Variants in AMBRA1 observed in about 807,000 individuals in gnomAD.
The protein encoded by AMBRA1 is autophagy and beclin 1 regulator 1.
In AMBRA1, 47 loss-of-function variants were observed where a neutral mutation model predicts 125.4. The ratio of observed to expected loss-of-function variants is 0.37; its 90% CI spans 0.30 to 0.48. AMBRA1 has a LOEUF of 0.48. Among genes scored for constraint, AMBRA1 ranks in the 20% least tolerant of loss-of-function variants. The probability of loss-of-function intolerance (pLI) is 0.99; values close to 1 mark genes in which losing one functional copy is unlikely to be tolerated. For synonymous variants in AMBRA1, 626 were observed against 655.5 expected, an observed-to-expected ratio of 0.95 and a Z score of 0.69; for missense variants, 1,331 against 1,693.4, an observed-to-expected ratio of 0.79 and a Z score of 3.76.
At chr11:46,444,452 T>TTCC (rs1463754913) in intron 11 of AMBRA1, among the ~76,000 whole-genome samples, 1 of 152,200 alleles carries the variant, frequency 6.6e-6, no homozygotes, top group Non-Finnish European at 1.5e-5. Flanking sequence ...AACATGTCAT[T>TTCC]TCCTCCTCCT....
intron 7 of AMBRA1, among the ~76,000 whole-genome samples, chr11:46,531,993 C>A (rs1952237360): frequency 6.6e-6 from 1 of 152,014 alleles, no homozygotes; most frequent in African/African-American, 2.4e-5. Context: ...GTGGTGGGCG[C>A]CTGTAATCCC....
chr11:46,495,756 C>T (rs571650741), intron 9 of AMBRA1, among the ~76,000 whole-genome samples: 1 of 152,274 alleles, frequency 6.6e-6, no homozygotes, highest in Middle Eastern at 3.4e-3. Flanking sequence ...TATTATTTTT[C>T]AAATATACTA....
intron 7 of AMBRA1, chr11:46,518,429 C>CAAAAAAAAAAAAA (rs761919668): frequency 1.7e-5 from 1 of 58,360 alleles, no homozygotes. Flanking sequence ...GACTCCGTCT[C>CAAAAAAAAAAAAA]AAAAAAAAAA....
At chr11:46,490,384 C>T (rs1017517531) in intron 11 of AMBRA1, among the ~76,000 whole-genome samples, 3 of 152,156 alleles carry the variant, frequency 2.0e-5, no homozygotes, top group African/African-American at 7.2e-5. Context: ...AATAGACTAT[C>T]AAAACACTTT....
intron 15 of AMBRA1, among the ~76,000 whole-genome samples, chr11:46,414,584 G>A (rs1025762831): frequency 5.3e-5 from 8 of 152,202 alleles, no homozygotes; most frequent in African/African-American, 1.7e-4. Context: ...TTATGAGGCC[G>A]GAAGTAAGCA....
At chr11:46,414,258 G>A (rs931894270) in intron 15 of AMBRA1, among the ~76,000 whole-genome samples, 11 of 152,314 alleles carry the variant, frequency 7.2e-5, no homozygotes, top group Middle Eastern at 3.4e-3. Context: ...TCTGCAGCGC[G>A]GGAAAGAGCC....
rs746745526 is a variant in AMBRA1, at chr11:46,548,268, C to T, written c.113G>A (p.Arg38Gln). Residue 38 changes from arginine to glutamine, a missense_variant, in exon 2 of 18, where the codon CGG becomes CAG. By Grantham distance (43) the Arg-to-Gln change is conservative. Transcript: ENST00000683756. Reference sequence around the variant, plus strand: ...TACCTTGCCCTCCCATTTCATCCACCGGGTTTTATCTTCTACCAGCTCCTG... The same window carrying T: ...TACCTTGCCCTCCCATTTCATCCACTGGGTTTTATCTTCTACCAGCTCCTG... ...LLQELVEDKT[R>Q]WMKWEGKRVE... is the part of the protein sequence containing the mutation. 7.4e-6 allele frequency: 12 copies of T among 1,614,026 alleles called. No individual in the cohort carries two copies. Among genetic ancestry groups the T allele is most frequent in the East Asian group, 4.5e-5 (2 of 44,898 alleles).
chr11:46,520,025 G>T (rs1327638165), intron 7 of AMBRA1, among the ~76,000 whole-genome samples: 1 of 151,800 alleles, frequency 6.6e-6, no homozygotes, highest in Non-Finnish European at 1.5e-5. Context: ...TGTAATCCCA[G>T]CTACTCAGGT....
rs765088387 is a variant in AMBRA1, at chr11:46,484,944, C to CT, written c.2521+8663dup. On this transcript the variant is annotated intron_variant, in intron 11 of 17. Transcript: ENST00000683756. ...ACAGGTGTGAGCCACTGTGCCCAGG[C>CT]TTTTTTTTTTAAGACAAAATCTCAC... 3.8e-3 allele frequency among the ~76,000 whole-genome samples: 539 copies of CT among 140,280 alleles called. 1 individual carries two copies. Among genetic ancestry groups the CT allele is most frequent in the East Asian group, 0.02 (94 of 4,634 alleles). The allele number at this position is 140,280 out of a possible 152,430, so 92.0% of individuals were successfully genotyped here. A position where few individuals can be genotyped will look rare whatever the true frequency, so the allele number is the denominator to read the frequency against.
intron 11 of AMBRA1, among the ~76,000 whole-genome samples, chr11:46,471,161 G>A (rs537535554): frequency 2.6e-5 from 4 of 152,276 alleles, no homozygotes; most frequent in Admixed American, 1.3e-4. Context: ...TTGAATTCAC[G>A]CCAGATGCAG....
intron 7 of AMBRA1, among the ~76,000 whole-genome samples, chr11:46,524,137 G>C (rs1397706162): frequency 6.6e-6 from 1 of 152,132 alleles, no homozygotes; most frequent in Non-Finnish European, 1.5e-5. Flanking sequence ...CAAAGTGCTG[G>C]GATTACAGGT....
At chr11:46,471,904 GCGTGAGCCAC>G (rs1378999057) in intron 11 of AMBRA1, among the ~76,000 whole-genome samples, 3 of 152,144 alleles carry the variant, frequency 2.0e-5, no homozygotes, top group African/African-American at 7.2e-5. Context: ...AGGATTACAG[GCGTGAGCCAC>G]CGTGCCTGGC....
intron 1 of AMBRA1, among the ~76,000 whole-genome samples, chr11:46,576,119 A>C (rs574656226): frequency 2.5e-4 from 38 of 152,326 alleles, no homozygotes; most frequent in African/African-American, 8.2e-4. Flanking sequence ...TACACAGCTA[A>C]GAAAAGAGTC....
chr11:46,528,133 G>A (rs139987746), intron 7 of AMBRA1, among the ~76,000 whole-genome samples: 1 of 152,182 alleles, frequency 6.6e-6, no homozygotes, highest in Non-Finnish European at 1.5e-5. Context: ...CCTTTGAAAA[G>A]AAGGAAATTA....
At chr11:46,526,220 A>G (rs1951964152) in intron 7 of AMBRA1, among the ~76,000 whole-genome samples, 1 of 152,084 alleles carries the variant, frequency 6.6e-6, no homozygotes, top group Non-Finnish European at 1.5e-5. Flanking sequence ...AATAAATAAA[A>G]AACAATAATA....
chr11:46,399,326 A>G (rs1374243284), intron 17 of AMBRA1, among the ~76,000 whole-genome samples: 1 of 152,134 alleles, frequency 6.6e-6, no homozygotes, highest in Non-Finnish European at 1.5e-5. Context: ...TGCCTGCCTC[A>G]GCCTCCCAAA....
intron 16 of AMBRA1, among the ~76,000 whole-genome samples, chr11:46,409,304 G>A (rs1398663855): frequency 2.6e-5 from 4 of 151,896 alleles, no homozygotes; most frequent in South Asian, 2.1e-4. Context: ...GGATTCAAGC[G>A]ATTCTCCTGC....
chr11:46,422,568 C>T (rs1036038853), intron 14 of AMBRA1, among the ~76,000 whole-genome samples: 4 of 151,950 alleles, frequency 2.6e-5, no homozygotes, highest in Non-Finnish European at 5.9e-5. Context: ...CAAAGATAGA[C>T]AGGAAAAGAA....
At chr11:46,517,917 T>C (rs1437779798) in intron 7 of AMBRA1, among the ~76,000 whole-genome samples, 1 of 150,408 alleles carries the variant, frequency 6.6e-6, no homozygotes, top group Non-Finnish European at 1.5e-5. Flanking sequence ...AGTATACCCA[T>C]ATTCGTATAT....
Sources: gnomAD v4.1 joint callset for allele counts (sites outside exome capture counted in the v4.1 genomes callset) on GRCh38, gnomAD v4.1.1 for gene constraint, MANE v1.5 for transcripts, NCBI Gene and HGNC (gene_info 2026-07-23, HGNC 2026-07-21) for gene names.